Variants in LARGE1 observed in about 807,000 individuals in gnomAD.
LARGE1 encodes LARGE xylosyl- and glucuronyltransferase 1.
LARGE1 carries 43 observed loss-of-function variants against 87.6 expected under a neutral mutation model. The ratio of observed to expected loss-of-function variants is 0.49; its 90% CI spans 0.38 to 0.63. The LOEUF (loss-of-function observed/expected upper bound fraction) is 0.63. Ranked by LOEUF, LARGE1 falls within the 30% of genes least tolerant of loss-of-function variation. The pLI, the probability that LARGE1 is intolerant of heterozygous loss-of-function variation, is 0.00. For missense variants in LARGE1, 802 were observed against 1,000.2 expected (o/e 0.80, Z 2.67); for synonymous variants, 434 against 394.6 (o/e 1.10, Z -1.18).
intron 4 of LARGE1, among the ~76,000 whole-genome samples, chr22:33,604,829 C>T (rs2079209191): frequency 6.6e-6 from 1 of 152,116 alleles, no homozygotes. Flanking sequence ...AAACGCCATA[C>T]CTGTTATTAG....
intron 12 of LARGE1, among the ~76,000 whole-genome samples, chr22:33,296,302 C>T: frequency 6.6e-6 from 1 of 152,326 alleles, no homozygotes; most frequent in Non-Finnish European, 1.5e-5. Context: ...CTTTGTGCCA[C>T]AGTTTTCTTC....
chr22:33,885,533 G>A (rs2064819725), intron 1 of LARGE1, among the ~76,000 whole-genome samples: 1 of 152,186 alleles, frequency 6.6e-6, no homozygotes, highest in African/African-American at 2.4e-5. Context: ...TATTGATAGA[G>A]CAATATGAAG....
chr22:33,278,695 C>G (rs982810545), intron 13 of LARGE1, among the ~76,000 whole-genome samples: 2 of 152,044 alleles, frequency 1.3e-5, no homozygotes, highest in African/African-American at 4.8e-5. Flanking sequence ...GGCCAGGAGC[C>G]TCCTTAAGCA....
intron 1 of LARGE1, among the ~76,000 whole-genome samples, chr22:33,801,854 A>G (rs1433629893): frequency 6.6e-6 from 1 of 152,176 alleles, no homozygotes; most frequent in East Asian, 1.9e-4. Context: ...CACAGGGAAG[A>G]TAATTATGGC....
chr22:33,810,043 A>G (rs2146162525), intron 1 of LARGE1, among the ~76,000 whole-genome samples: 1 of 152,340 alleles, frequency 6.6e-6, no homozygotes, highest in South Asian at 2.1e-4. Flanking sequence ...AAAAAACTAC[A>G]GTAGTCTGCA....
intron 3 of LARGE1, among the ~76,000 whole-genome samples, chr22:33,633,207 C>T (rs1218210643): frequency 6.6e-6 from 1 of 152,120 alleles, no homozygotes; most frequent in Non-Finnish European, 1.5e-5. Flanking sequence ...GATAGTTAAC[C>T]AGGAGATCCC....
intron 9 of LARGE1, among the ~76,000 whole-genome samples, chr22:33,358,269 G>A (rs949423392): frequency 4.7e-5 from 7 of 148,834 alleles, no homozygotes; most frequent in African/African-American, 1.5e-4. Context: ...GTAGTAATTC[G>A]AGATTTTAGA....
At chr22:33,326,500 T>C (rs148663146) in intron 10 of LARGE1, among the ~76,000 whole-genome samples, 64 of 152,324 alleles carry the variant, frequency 4.2e-4, no homozygotes, top group African/African-American at 1.4e-3. Context: ...TCTTACTTTA[T>C]TGATTCCTCT....
chr22:33,152,095 A>G, the LARGE1 span, among the ~76,000 whole-genome samples: 5 of 152,214 alleles, frequency 3.3e-5, no homozygotes, highest in African/African-American at 1.2e-4. Flanking sequence ...TCTAACTTCA[A>G]TTTATTTAAT....
At chr22:33,532,107 G>A (rs943998338) in intron 6 of LARGE1, among the ~76,000 whole-genome samples, 6 of 152,200 alleles carry the variant, frequency 3.9e-5, no homozygotes, top group Non-Finnish European at 4.4e-5. Context: ...TAAATAAATG[G>A]ATGAATAGAA....
chr22:33,871,874 G>C (rs2064294519), intron 1 of LARGE1, among the ~76,000 whole-genome samples: 1 of 151,538 alleles, frequency 6.6e-6, no homozygotes, highest in East Asian at 1.9e-4. Flanking sequence ...AAAAATTTAA[G>C]GTCAGAGGCT....
intron 6 of LARGE1, among the ~76,000 whole-genome samples, chr22:33,468,676 C>T (rs902342794): frequency 1.3e-5 from 2 of 152,120 alleles, no homozygotes; most frequent in African/African-American, 2.4e-5. Flanking sequence ...TATTAATCCC[C>T]GTTTGTATGG....
intron 14 of LARGE1, among the ~76,000 whole-genome samples, chr22:33,276,351 C>G (rs1929293234): frequency 6.6e-6 from 1 of 152,092 alleles, no homozygotes; most frequent in Non-Finnish European, 1.5e-5. Flanking sequence ...TTTTTGTACA[C>G]AAAGTTTTAT....
intron 2 of LARGE1, among the ~76,000 whole-genome samples, chr22:33,729,754 G>C (rs1240185243): frequency 6.6e-6 from 1 of 152,224 alleles, no homozygotes; most frequent in African/African-American, 2.4e-5. Context: ...CCTTCCCTAA[G>C]CCTTGGTTCC....
intron 3 of LARGE1, among the ~76,000 whole-genome samples, chr22:33,627,873 G>A (rs1220523821): frequency 6.6e-6 from 1 of 152,122 alleles, no homozygotes; most frequent in Admixed American, 6.5e-5. Flanking sequence ...CTTGCCACAT[G>A]AGCAGGACTC....
intron 1 of LARGE1, among the ~76,000 whole-genome samples, chr22:33,816,010 C>T (rs2086637650): frequency 6.6e-6 from 1 of 152,314 alleles, no homozygotes; most frequent in Non-Finnish European, 1.5e-5. Flanking sequence ...CCAAACTTTT[C>T]CTCTTTCGCA....
chr22:33,172,029 A>G (rs5994686), intron 11 of LARGE1, among the ~76,000 whole-genome samples: 13,011 of 152,298 alleles, frequency 0.085, 750 homozygotes, highest in Middle Eastern at 0.2. Context: ...GACCATGGAA[A>G]CCCACCTCTT....
At chr22:33,071,361 A>T in the LARGE1 span, among the ~76,000 whole-genome samples, 1 of 152,158 alleles carries the variant, frequency 6.6e-6, no homozygotes, top group Non-Finnish European at 1.5e-5. Flanking sequence ...GTGAAAGTGG[A>T]TTCAGTAGGT....
chr22:33,089,520 C>G, the LARGE1 span, among the ~76,000 whole-genome samples: 2 of 149,870 alleles, frequency 1.3e-5, no homozygotes, highest in Non-Finnish European at 3.0e-5. Context: ...TTTTTTGAAA[C>G]AGGGTCTTGC....
Sources: gnomAD v4.1 joint callset for allele counts (sites outside exome capture counted in the v4.1 genomes callset) on GRCh38, gnomAD v4.1.1 for gene constraint, MANE v1.5 for transcripts, NCBI Gene and HGNC (gene_info 2026-07-23, HGNC 2026-07-21) for gene names.